ARHGAP21: variants seen among roughly 807,000 people sequenced by gnomAD.
ARHGAP21 encodes rho GTPase-activating protein 21.
ARHGAP21 carries 38 observed loss-of-function variants against 164.6 expected under a neutral mutation model. The observed-to-expected ratio is 0.23, with a 90% confidence interval of 0.18 to 0.30. The LOEUF (loss-of-function observed/expected upper bound fraction) is 0.30. Among genes scored for constraint, ARHGAP21 ranks in the 10% least tolerant of loss-of-function variants. The pLI, the probability that ARHGAP21 is intolerant of heterozygous loss-of-function variation, is 1.00. For synonymous variants in ARHGAP21, 766 were observed against 857.9 expected, an observed-to-expected ratio of 0.89 and a Z score of 1.87; for missense variants, 1,822 against 2,370.7, an observed-to-expected ratio of 0.77 and a Z score of 4.81.
chr10:24,677,797 A>G (rs1841398745), intron 2 of ARHGAP21, among the ~76,000 whole-genome samples: 1 of 151,962 alleles, frequency 6.6e-6, no homozygotes, highest in East Asian at 1.9e-4. Context: ...TCACTGACAT[A>G]CTCTTCCTTC....
At chr10:24,592,063 A>G in intron 21 of ARHGAP21, 51 bp from the exon 22 acceptor site, 1 of 1,415,894 alleles carries the variant, frequency 7.1e-7, no homozygotes. Context: ...TTAAGGAAGT[A>G]GGCTGAAATT....
chr10:24,651,113 C>T (rs1462200513), intron 4 of ARHGAP21, among the ~76,000 whole-genome samples: 1 of 152,208 alleles, frequency 6.6e-6, no homozygotes, highest in Non-Finnish European at 1.5e-5. Flanking sequence ...TGGGCTGTTC[C>T]TCTGCACACC....
intron 2 of ARHGAP21, among the ~76,000 whole-genome samples, chr10:24,718,871 T>C (rs1049819844): frequency 1.3e-5 from 2 of 151,524 alleles, no homozygotes; most frequent in African/African-American, 2.4e-5. Flanking sequence ...GGACTACAGA[T>C]AAAAAATGAA....
chr10:24,590,655 A>G, intron 24 of ARHGAP21: 2 of 1,364,176 alleles, frequency 1.5e-6, no homozygotes, highest in Non-Finnish European at 9.4e-7. Context: ...CTAATACTTA[A>G]CCAAGCATTA....
intron 4 of ARHGAP21, among the ~76,000 whole-genome samples, chr10:24,645,273 G>A (rs1202401249): frequency 2.0e-5 from 3 of 152,118 alleles, no homozygotes; most frequent in African/African-American, 7.2e-5. Flanking sequence ...CTCACCTGGT[G>A]GTTAAAACTG....
intron 2 of ARHGAP21, among the ~76,000 whole-genome samples, chr10:24,704,386 G>A (rs983667791): frequency 1.3e-4 from 19 of 145,176 alleles, no homozygotes; most frequent in East Asian, 2.1e-4. Flanking sequence ...CACATCCCAC[G>A]CTCAGGTGAT....
chr10:24,716,879 T>C (rs933314171), intron 2 of ARHGAP21, among the ~76,000 whole-genome samples: 1 of 152,192 alleles, frequency 6.6e-6, no homozygotes, highest in Non-Finnish European at 1.5e-5. Context: ...GGAAGGAGCA[T>C]ACTTGGGAAG....
At chr10:24,684,094 T>C (rs1842016247) in intron 2 of ARHGAP21, among the ~76,000 whole-genome samples, 1 of 152,078 alleles carries the variant, frequency 6.6e-6, no homozygotes, top group African/African-American at 2.4e-5. Context: ...TGAGACCAGC[T>C]TGGCCAACGT....
At chr10:24,663,406 T>C (rs1162183630) in intron 4 of ARHGAP21, among the ~76,000 whole-genome samples, 1 of 152,188 alleles carries the variant, frequency 6.6e-6, no homozygotes, top group Non-Finnish European at 1.5e-5. Flanking sequence ...GTTTGAATGT[T>C]GTCACTGGAT....
At chr10:24,591,720 A>G (rs1237702770) in intron 22 of ARHGAP21, 37 bp from the exon 23 acceptor site, 1 of 1,611,156 alleles carries the variant, frequency 6.2e-7, no homozygotes, top group South Asian at 1.1e-5. Flanking sequence ...AAATTAAACA[A>G]GCCTTTAAAT....
At chr10:24,615,035 A>C (rs1396388782) in intron 9 of ARHGAP21, among the ~76,000 whole-genome samples, 1 of 151,314 alleles carries the variant, frequency 6.6e-6, no homozygotes, top group Non-Finnish European at 1.5e-5. Context: ...CTAAAAATAC[A>C]AAAAATTAGC....
chr10:24,606,108 C>A (rs946251021), intron 11 of ARHGAP21, among the ~76,000 whole-genome samples: 12 of 151,078 alleles, frequency 7.9e-5, no homozygotes, highest in Non-Finnish European at 1.6e-4. Flanking sequence ...TCAAAGTTTA[C>A]AAAAAAATAA....
At chr10:24,623,655 CACA>C (rs1834796469) in intron 7 of ARHGAP21, among the ~76,000 whole-genome samples, 1 of 152,136 alleles carries the variant, frequency 6.6e-6, no homozygotes. Context: ...CAGCATTTCC[CACA>C]ACATCCTTGT....
chr10:24,591,666 T>G lies in ARHGAP21; in HGVS notation c.4020A>C (p.Thr1340=). The G allele has an allele frequency of 6.2e-7, 1 of 1,614,100 alleles. No homozygotes were observed. The highest frequency in any genetic ancestry group is 8.5e-7 in the Non-Finnish European group (1 of 1,180,000). The part of the protein sequence containing the change: ...TLIQHHDWFF[T]EEGAEEPLTT... ...CAAGAGGCTCTTCAGCACCTTCTTCTGTGAAAAACCAGTCATGCTAAAATT... is the reference window on the plus strand; with the variant it reads ...CAAGAGGCTCTTCAGCACCTTCTTCGGTGAAAAACCAGTCATGCTAAAATT... Residue 1340 remains threonine (T), a synonymous_variant, in exon 23 of 26, where the codon ACA becomes ACC. Transcript: ENST00000396432.
chr10:24,679,267 C>T (rs113205097), intron 2 of ARHGAP21, among the ~76,000 whole-genome samples: 4,252 of 152,238 alleles, frequency 0.028, 209 homozygotes, highest in African/African-American at 0.097. Flanking sequence ...ATCAAGGCAC[C>T]GGCAGATTCA....
At chr10:24,716,060 C>G (rs1221120682) in intron 2 of ARHGAP21, among the ~76,000 whole-genome samples, 3 of 152,172 alleles carry the variant, frequency 2.0e-5, no homozygotes, top group Admixed American at 6.5e-5. Flanking sequence ...CAAATGCAAA[C>G]TCAGTAACAT....
intron 11 of ARHGAP21, chr10:24,605,723 A>G (rs1461635720): frequency 6.6e-6 from 1 of 152,224 alleles, no homozygotes; most frequent in East Asian, 1.9e-4. Context: ...TAATTTATAA[A>G]TTAATCATTG....
intron 4 of ARHGAP21, among the ~76,000 whole-genome samples, chr10:24,639,342 T>C (rs920895758): frequency 6.6e-6 from 1 of 152,190 alleles, no homozygotes; most frequent in Non-Finnish European, 1.5e-5. Context: ...AGTTTACTGA[T>C]CTGAAAAATG....
chr10:24,586,171 G>A, intron 25 of ARHGAP21, 65 bp from the exon 26 acceptor site: 1 of 1,468,308 alleles, frequency 6.8e-7, no homozygotes, highest in Non-Finnish European at 9.0e-7. Flanking sequence ...TTTCTGACAA[G>A]CTTGTCTCCC....
Sources: gnomAD v4.1 joint callset for allele counts (sites outside exome capture counted in the v4.1 genomes callset) on GRCh38, gnomAD v4.1.1 for gene constraint, MANE v1.5 for transcripts, NCBI Gene and HGNC (gene_info 2026-07-23, HGNC 2026-07-21) for gene names.